HLA-DMB: variants seen among roughly 807,000 people sequenced by gnomAD.
HLA-DMB encodes the protein major histocompatibility complex, class II, DM beta.
Under a neutral mutation model 29.3 loss-of-function variants are expected in HLA-DMB, and 18 were observed. The ratio of observed to expected loss-of-function variants is 0.62; its 90% CI spans 0.43 to 0.91. HLA-DMB has a LOEUF of 0.91. Among genes scored for constraint, HLA-DMB ranks in the 40% least tolerant of loss-of-function variants. The pLI is 0.00. For missense variants in HLA-DMB, 258 were observed against 320.9 expected (o/e 0.80, Z 1.50); for synonymous variants, 143 against 128.7 (o/e 1.11, Z -0.75).
intron 5 of HLA-DMB, 122 bp downstream of exon 5, chr6:32,935,220 G>C: frequency 1.1e-6 from 1 of 908,566 alleles, no homozygotes; most frequent in South Asian, 1.4e-5. Flanking sequence ...TCATGCCCTT[G>C]CCTAGATCCT....
At position 32,938,809 on chromosome 6, in the gene HLA-DMB, C is replaced by T. The variant is rs17617321; in HGVS notation, c.212G>A (p.Ser71Asn). 0.029 allele frequency: 46,935 copies of T among 1,611,502 alleles called. 777 individuals are homozygous for T. Among genetic ancestry groups the T allele is most frequent in the South Asian group, 0.044 (4,034 of 90,856 alleles). The change falls in exon 2 of 6, where the codon AGC (serine) becomes AAC (asparagine). Residue 71 changes from serine (S) to asparagine (N), a missense_variant. Transcript: ENST00000418107. ...GTGCTGTGAGAGGACATTCGCCAAGCTATTCAGCACCCCAAATTCGCAAGG... is the reference window on the plus strand; with the variant it reads ...GTGCTGTGAGAGGACATTCGCCAAGTTATTCAGCACCCCAAATTCGCAAGG... ...MAPCEFGVLN[S>N]LANVLSQHLN...
In HLA-DMB at chr6:32,937,752, A is replaced by G; in HGVS notation, c.338-296T>C. 2.4e-6 allele frequency: 1 copy of G among 409,462 alleles called. No homozygotes were observed. The allele number at this position is 409,462 out of a possible 1,614,324, so 25.4% of individuals were successfully genotyped here. On this transcript the variant is annotated intron_variant, in intron 2 of 5. Coordinates refer to ENST00000418107, the MANE Select transcript of HLA-DMB (RefSeq NM_002118.5). This position sits in a 1 kb window ranked among gnomAD's most constrained non-coding sequence, Gnocchi z 4.1. The stretch of plus-strand genomic sequence containing the variant: ...AGCTGTTCTAGAAGTTGTTGTATTT[A>G]TTTCAAGTACATAAACTGGAAAGTA...
chr6:32,937,162 A>G lies in HLA-DMB; in HGVS notation c.622+10T>C, dbSNP rs1240271859. On this transcript the variant is annotated intron_variant, in intron 3 of 5. Coordinates refer to ENST00000418107, the MANE Select transcript of HLA-DMB (RefSeq NM_002118.5). This position sits in a 1 kb window ranked among gnomAD's most constrained non-coding sequence, Gnocchi z 4.1. ...TTGACCCTAATTCCATCCATCTGCC[A>G]TACACTTACTCCAGTCCCGAAGGAT... is the stretch of plus-strand genomic sequence containing the variant. The G allele has an allele frequency of 1.3e-6, 2 of 1,571,706 alleles. No homozygotes were observed. The highest frequency in any genetic ancestry group is 2.3e-5 in the East Asian group (1 of 44,304).
Position 32,937,440 on chromosome 6 carries a change from T to C in HLA-DMB, c.354A>G (p.Gln118=), listed in dbSNP as rs1776075309. Residue 118 remains glutamine, a synonymous_variant, in exon 3 of 6, where the codon CAA becomes CAG. Coordinates refer to ENST00000418107, the MANE Select transcript of HLA-DMB (RefSeq NM_002118.5). The surrounding 1 kb of genome is among the most constrained non-coding windows in gnomAD (Gnocchi z 4.1). ...LTNRTRPPSV[Q]VAKTTPFNTR... is the part of the protein sequence containing the mutation. ...TGTTAAAAGGAGTGGTTTTGGCTACTTGCACAGATGGTGGCCCTGCATAGG... is the reference window on the plus strand; with the variant it reads ...TGTTAAAAGGAGTGGTTTTGGCTACCTGCACAGATGGTGGCCCTGCATAGG... 6.2e-7 allele frequency: 1 copy of C among 1,614,022 alleles called. No individual in the cohort carries two copies. Among genetic ancestry groups the C allele is most frequent in the African/African-American group, 1.3e-5 (1 of 75,036 alleles).
chr6:32,940,726 G>A, intron 1 of HLA-DMB, 27 bp downstream of exon 1: 1 of 1,586,634 alleles, frequency 6.3e-7, no homozygotes, highest in Non-Finnish European at 8.6e-7. Context: ...CAGGGGAAGG[G>A]AGAGTCCCCA....
At position 32,938,778 on chromosome 6, in the gene HLA-DMB, G is replaced by A. The variant is rs1293952946; in HGVS notation, c.243C>T (p.Asn81=). ...SLANVLSQHL[N]QKDTLMQRLR... The stretch of plus-strand genomic sequence containing the variant: ...AGCGCTGCATCAGGGTGTCTTTTTG[G>A]TTGAGGTGCTGTGAGAGGACATTCG... The change falls in exon 2 of 6, where the codon AAC becomes AAT. Residue 81 remains asparagine, a synonymous_variant. Transcript: ENST00000418107. The A allele has an allele frequency of 1.2e-6, 2 of 1,608,826 alleles. No homozygotes were observed. The highest frequency in any genetic ancestry group is 1.3e-5 in the African/African-American group (1 of 74,662).
At chr6:32,936,099 A>T in intron 3 of HLA-DMB, 1 of 173,232 alleles carries the variant, frequency 5.8e-6, no homozygotes, top group Non-Finnish European at 1.2e-5. Context: ...CCATCCTGTG[A>T]GTTATCCTAC....
chr6:32,937,428 G>A lies in HLA-DMB; in HGVS notation c.366C>T (p.Thr122=), dbSNP rs995890905. 8 of 1,613,986 alleles carry A rather than the reference G, an allele frequency of 5.0e-6. No homozygotes were observed. Among genetic ancestry groups the A allele is most frequent in the Non-Finnish European group, 5.9e-6 (7 of 1,179,982 alleles). ...TRPPSVQVAK[T]TPFNTREPVM... ...CAGGCTCCCTCGTGTTAAAAGGAGTGGTTTTGGCTACTTGCACAGATGGTG... is the reference window on the plus strand; with the variant it reads ...CAGGCTCCCTCGTGTTAAAAGGAGTAGTTTTGGCTACTTGCACAGATGGTG... The change falls in exon 3 of 6, where the codon ACC becomes ACT. Residue 122 remains threonine, a synonymous_variant. Coordinates refer to ENST00000418107, the MANE Select transcript of HLA-DMB (RefSeq NM_002118.5). The surrounding 1 kb of genome is among the most constrained non-coding windows in gnomAD (Gnocchi z 4.1).
chr6:32,940,779 C>T lies in HLA-DMB; in HGVS notation c.29G>A (p.Gly10Glu). 1 of 1,605,924 alleles carries T rather than the reference C, an allele frequency of 6.2e-7. No homozygotes were observed. Among genetic ancestry groups the T allele is most frequent in the Non-Finnish European group, 8.5e-7 (1 of 1,176,816 alleles). Residue 10 changes from glycine (G) to glutamate (E), a missense_variant, in exon 1 of 6, where the codon GGG (glycine) becomes GAG (glutamate). Gly to Glu is a moderately conservative substitution (Grantham distance 98). Coordinates refer to ENST00000418107, the MANE Select transcript of HLA-DMB (RefSeq NM_002118.5). MITFLPLLLGLSLGCTGAGG... is the reference protein window; with the variant it reads MITFLPLLLELSLGCTGAGG... Reference sequence around the variant, plus strand: ...TGCTCCTGTGCAGCCCAGGCTGAGCCCCAGCAGCAGCGGCAGGAATGTGAT... The same window carrying T: ...TGCTCCTGTGCAGCCCAGGCTGAGCTCCAGCAGCAGCGGCAGGAATGTGAT...
Position 32,935,630 on chromosome 6 carries a change from C to T in HLA-DMB, c.645G>A (p.Gln215=), listed in dbSNP as rs1321827512. Residue 215 remains glutamine, a synonymous_variant, in exon 4 of 6, where the codon CAG becomes CAA. Coordinates refer to ENST00000418107, the MANE Select transcript of HLA-DMB (RefSeq NM_002118.5). Reference sequence around the variant, plus strand: ...CTGCAGACACAGAAACCTTCAGGGTCTGCATGGGGGACAGCCCAGGTGCTG... The same window carrying T: ...CTGCAGACACAGAAACCTTCAGGGTTTGCATGGGGGACAGCCCAGGTGCTG... ...RDWTPGLSPM[Q]TLKVSVSAVT... 3 of 1,612,764 alleles carry T rather than the reference C, an allele frequency of 1.9e-6. No individual in the cohort carries two copies. The highest frequency in any genetic ancestry group is 2.5e-6 in the Non-Finnish European group (3 of 1,179,934).
intron 5 of HLA-DMB, 161 bp from the exon 6 acceptor site, chr6:32,935,148 C>T (rs1019689802): frequency 3.4e-6 from 3 of 870,476 alleles, no homozygotes; most frequent in Admixed American, 2.1e-5. Flanking sequence ...CCACAGACAT[C>T]CCACTTGGTA....
At chr6:32,935,220 G>A in intron 5 of HLA-DMB, 122 bp downstream of exon 5, 1 of 908,566 alleles carries the variant, frequency 1.1e-6, no homozygotes, top group Non-Finnish European at 1.8e-6. Context: ...TCATGCCCTT[G>A]CCTAGATCCT....
rs1244362702 is a variant in HLA-DMB at position 32,935,649 on chromosome 6, G to T, written c.626C>A (p.Pro209His). ...CAGGGTCTGCATGGGGGACAGCCCA[G>T]GTGCTGCAAAAAATAGAAACTTACT... ...APEPILRDWTPGLSPMQTLKV... is the reference protein window; with the variant it reads ...APEPILRDWTHGLSPMQTLKV... The change falls in exon 4 of 6, where the codon CCT becomes CAT. Residue 209 changes from proline (P) to histidine (H), a missense_variant. Pro to His is a moderately conservative substitution (Grantham distance 77). Transcript: ENST00000418107. 3.7e-6 allele frequency: 6 copies of T among 1,610,706 alleles called. No individual in the cohort carries two copies. Among genetic ancestry groups the T allele is most frequent in the Non-Finnish European group, 5.1e-6 (6 of 1,178,584 alleles).
In HLA-DMB at chr6:32,937,136, T is replaced by C; in HGVS notation, c.622+36A>G. ...TCGATCCACATCTCATTTTCTCTGC[T>C]TTGACCCTAATTCCATCCATCTGCC... On this transcript the variant is annotated intron_variant, in intron 3 of 5. Transcript: ENST00000418107. The surrounding 1 kb of genome is among the most constrained non-coding windows in gnomAD (Gnocchi z 4.1). 6.5e-7 allele frequency: 1 copy of C among 1,527,196 alleles called. No homozygotes were observed. The highest frequency in any genetic ancestry group is 1.4e-5 in the African/African-American group (1 of 72,846). 94.6% of individuals were successfully genotyped at this position (1,527,196 alleles called of 1,614,324 possible). A position where few individuals can be genotyped will look rare whatever the true frequency, so the allele number is the denominator to read the frequency against.
Position 32,938,857 on chromosome 6 carries a change from T to A in HLA-DMB, c.164A>T (p.Asp55Val). The change falls in exon 2 of 6, where the codon GAT (aspartate) becomes GTT (valine). Residue 55 changes from aspartate (D) to valine (V), a missense_variant. Physicochemically the swap from Asp to Val is radical, Grantham distance 152 (BLOSUM62 -3). Transcript: ENST00000418107. ...SFNKDLLTCW[D>V]PEENKMAPCE... ...AGGGGCCATCTTATTCTCCTCTGGA[T>A]CCCAGCAGGTCAGCAGATCCTTGTT... is the stretch of plus-strand genomic sequence containing the variant. The A allele has an allele frequency of 6.2e-7, 1 of 1,612,504 alleles. No individual in the cohort carries two copies. The highest frequency in any genetic ancestry group is 8.5e-7 in the Non-Finnish European group (1 of 1,179,798).
chr6:32,939,860 G>A (rs1411421529), intron 1 of HLA-DMB, among the ~76,000 whole-genome samples: 1 of 152,148 alleles, frequency 6.6e-6, no homozygotes, highest in Non-Finnish European at 1.5e-5. Flanking sequence ...CTGATTTGTA[G>A]GCAAGTTGGA....
At chr6:32,935,270 C>G in intron 5 of HLA-DMB, 72 bp downstream of exon 5, 1 of 1,238,152 alleles carries the variant, frequency 8.1e-7, no homozygotes, top group Non-Finnish European at 1.2e-6. Context: ...ATTAGTTGAA[C>G]CCAACACTGA....
Position 32,938,671 on chromosome 6 carries a change from C to A in HLA-DMB, c.337+13G>T. The stretch of plus-strand genomic sequence containing the variant: ...CACTTCCTGGTAGCCCCTCTGCACC[C>A]CTCTCTCCTCACGTGTCCTGTTGGT... On this transcript the variant is annotated intron_variant, in intron 2 of 5. Coordinates refer to ENST00000418107, the MANE Select transcript of HLA-DMB (RefSeq NM_002118.5). The A allele has an allele frequency of 6.8e-7, 1 of 1,481,180 alleles. No individual in the cohort carries two copies. 91.8% of individuals were successfully genotyped at this position (1,481,180 alleles called of 1,614,324 possible).
rs1402315328 is a variant in HLA-DMB, at chr6:32,938,761, A to G, written c.260T>C (p.Met87Thr). The G allele has an allele frequency of 1.2e-6, 2 of 1,606,252 alleles. No individual in the cohort carries two copies. Among genetic ancestry groups the G allele is most frequent in the African/African-American group, 2.7e-5 (2 of 74,494 alleles). ...SQHLNQKDTL[M>T]QRLRNGLQNC... ...CTGAAGCCCATTGCGCAAGCGCTGC[A>G]TCAGGGTGTCTTTTTGGTTGAGGTG... Residue 87 changes from methionine (M) to threonine (T), a missense_variant, in exon 2 of 6, where the codon ATG becomes ACG. Transcript: ENST00000418107.
Sources: allele counts gnomAD v4.1 joint callset (sites outside exome capture counted in the v4.1 genomes callset), GRCh38; gene constraint gnomAD v4.1.1; non-coding constraint Gnocchi (gnomAD v3.1); transcripts MANE v1.5; gene names NCBI Gene and HGNC (gene_info 2026-07-23, HGNC 2026-07-21).